Variants in TAAR5 observed in about 807,000 individuals in gnomAD.
The protein encoded by TAAR5 is trace amine associated receptor 5, also known as trace amine-associated receptor 5.
A neutral mutation model predicts 21.1 loss-of-function variants in TAAR5; 27 were observed. The observed-to-expected ratio is 1.28, with a 90% CI of 0.94 to 1.76. TAAR5 has a LOEUF of 1.76. Ranked by LOEUF, TAAR5 falls within the 40% of genes most tolerant of loss-of-function variation. The pLI is 0.00. For missense variants in TAAR5, 495 were observed against 405.6 expected (o/e 1.22, Z -1.89); for synonymous variants, 203 against 167.5 (o/e 1.21, Z -1.64).
At chr6:132,594,506 G>A, upstream of TAAR5, 1 of 152,142 alleles carries the variant, frequency 6.6e-6, no homozygotes, top group Non-Finnish European at 1.5e-5. Flanking sequence ...ATATAAAATG[G>A]GATTGAAAGC....
the TAAR5 span, among the ~76,000 whole-genome samples, chr6:132,610,982 T>C: frequency 9.9e-5 from 15 of 152,162 alleles, no homozygotes; most frequent in African/African-American, 3.6e-4. Context: ...AGAAACAAGA[T>C]GAAAGAAAAA....
the TAAR5 span, among the ~76,000 whole-genome samples, chr6:132,615,797 C>T: frequency 1.3e-5 from 2 of 151,786 alleles, no homozygotes; most frequent in Non-Finnish European, 2.9e-5. Context: ...CTTGAAAACT[C>T]ACAATTTTCA....
At chr6:132,608,774 A>G in the TAAR5 span, 9 of 455,934 alleles carry the variant, frequency 2.0e-5, no homozygotes, top group South Asian at 3.1e-5. Flanking sequence ...TCGGCCTCAG[A>G]TAGAACTAAA....
chr6:132,591,303 T>G (rs373135647), upstream of TAAR5, among the ~76,000 whole-genome samples: 3 of 152,218 alleles, frequency 2.0e-5, no homozygotes, highest in South Asian at 6.2e-4. Flanking sequence ...AGAAACCATT[T>G]CACAGTATCA....
the TAAR5 span, among the ~76,000 whole-genome samples, chr6:132,609,473 G>A: frequency 5.6e-4 from 85 of 152,170 alleles, no homozygotes; most frequent in Middle Eastern, 6.8e-3. Context: ...TACTTGGTAC[G>A]TTAGAAAAAT....
the TAAR5 span, among the ~76,000 whole-genome samples, chr6:132,614,533 A>T: frequency 6.6e-6 from 1 of 152,236 alleles, no homozygotes; most frequent in South Asian, 2.1e-4. Flanking sequence ...GCAATAATTT[A>T]AAAAGATTAG....
chr6:132,604,263 C>G, the TAAR5 span, among the ~76,000 whole-genome samples: 1 of 151,392 alleles, frequency 6.6e-6, no homozygotes, highest in African/African-American at 2.4e-5. Flanking sequence ...CCTGCCTCAG[C>G]CTCCTGCGTA....
At chr6:132,604,838 A>G in the TAAR5 span, among the ~76,000 whole-genome samples, 1 of 152,184 alleles carries the variant, frequency 6.6e-6, no homozygotes, top group African/African-American at 2.4e-5. Context: ...GTTTAAGGAA[A>G]CCAGGAAAAA....
At chr6:132,600,980 A>AGAAG in the TAAR5 span, among the ~76,000 whole-genome samples, 50 of 16,360 alleles carry the variant, frequency 3.1e-3, no homozygotes, top group African/African-American at 0.01. Context: ...AAGGAGGGAA[A>AGAAG]GAAGGAAGGA....
At chr6:132,603,839 G>C in the TAAR5 span, among the ~76,000 whole-genome samples, 1 of 152,164 alleles carries the variant, frequency 6.6e-6, no homozygotes, top group South Asian at 2.1e-4. Flanking sequence ...ATCAGTAAGA[G>C]AACTTGAGCA....
chr6:132,610,801 C>T, the TAAR5 span, among the ~76,000 whole-genome samples: 3 of 152,166 alleles, frequency 2.0e-5, no homozygotes, highest in African/African-American at 7.2e-5. Flanking sequence ...GAGAGTTCTC[C>T]TAGTCCAGCT....
chr6:132,588,728 A>G lies in TAAR5; in HGVS notation c.959T>C (p.Leu320Pro), dbSNP rs1354782222. 12 of 1,614,076 alleles carry G rather than the reference A, an allele frequency of 7.4e-6. No individual in the cohort carries two copies. The highest frequency in any genetic ancestry group is 9.3e-6 in the Non-Finnish European group (11 of 1,179,984). The change falls in exon 1 of 1, where the codon CTG (leucine) becomes CCG (proline). Residue 320 changes from leucine (L) to proline (P), a missense_variant. By Grantham distance (98) the Leu-to-Pro change is moderately conservative. Coordinates refer to ENST00000258034, the MANE Select transcript of TAAR5 (RefSeq NM_003967.3). ...CTGCGGTGAGAAGACCTTCTGGCTC[A>G]GTGTGAGTTTCAGTGCCTTCCGAAA... ...QWFRKALKLT[L>P]SQKVFSPQTR...
chr6:132,588,722 T>C lies in TAAR5; in HGVS notation c.965A>G (p.Gln322Arg), dbSNP rs1364935565. Residue 322 changes from glutamine to arginine, a missense_variant, in exon 1 of 1, where the codon CAG (glutamine) becomes CGG (arginine). Transcript: ENST00000258034. ...GCGTGTCTGCGGTGAGAAGACCTTC[T>C]GGCTCAGTGTGAGTTTCAGTGCCTT... ...FRKALKLTLS[Q>R]KVFSPQTRTV... The C allele has an allele frequency of 1.6e-5, 26 of 1,613,938 alleles. No homozygotes were observed. The highest frequency in any genetic ancestry group is 2.2e-5 in the Non-Finnish European group (26 of 1,179,992).
At chr6:132,600,508 T>C in the TAAR5 span, among the ~76,000 whole-genome samples, 5 of 152,160 alleles carry the variant, frequency 3.3e-5, no homozygotes, top group Non-Finnish European at 7.3e-5. Context: ...CTGACAGCAA[T>C]GCTGGAGCTC....
At chr6:132,614,159 C>T in the TAAR5 span, among the ~76,000 whole-genome samples, 4 of 152,242 alleles carry the variant, frequency 2.6e-5, no homozygotes, top group African/African-American at 9.6e-5. Flanking sequence ...ATAAATAATT[C>T]TCCTTTAAAT....
the TAAR5 span, among the ~76,000 whole-genome samples, chr6:132,613,443 A>G: frequency 6.6e-6 from 1 of 152,150 alleles, no homozygotes; most frequent in Non-Finnish European, 1.5e-5. Flanking sequence ...CAAAATTTTT[A>G]TGTTATCTAT....
At chr6:132,592,503 T>C (rs536850199), upstream of TAAR5, among the ~76,000 whole-genome samples, 23 of 152,374 alleles carry the variant, frequency 1.5e-4, no homozygotes, top group South Asian at 3.7e-3. Context: ...GATTTGGGTC[T>C]GTGTCCCCGT....
the TAAR5 span, among the ~76,000 whole-genome samples, chr6:132,596,211 T>C: frequency 1.4e-4 from 22 of 152,224 alleles, no homozygotes; most frequent in African/African-American, 5.1e-4. Flanking sequence ...TGTTTTCGTC[T>C]TATATTCGTA....
the TAAR5 span, among the ~76,000 whole-genome samples, chr6:132,611,751 T>A: frequency 6.6e-6 from 1 of 152,144 alleles, no homozygotes; most frequent in African/African-American, 2.4e-5. Flanking sequence ...CTAAAATAGG[T>A]CATAAGACTC....
Sources: gnomAD v4.1 joint callset for allele counts (sites outside exome capture counted in the v4.1 genomes callset) on GRCh38, gnomAD v4.1.1 for gene constraint, MANE v1.5 for transcripts, NCBI Gene and HGNC (gene_info 2026-07-23, HGNC 2026-07-21) for gene names.